Variants in CADM1 observed in about 807,000 individuals in gnomAD.
The protein encoded by CADM1 is cell adhesion molecule 1, also known as TSLC-1.
Under a neutral mutation model 53.1 loss-of-function variants are expected in CADM1, and 15 were observed. That is an observed-to-expected ratio of 0.28 (90% CI 0.19 to 0.44). The LOEUF is 0.44. Ranked by LOEUF, CADM1 falls within the 20% of genes least tolerant of loss-of-function variation. CADM1 has a pLI of 1.00. For missense variants in CADM1, 434 were observed against 611.3 expected, an observed-to-expected ratio of 0.71 and a Z score of 3.06; for synonymous variants, 281 against 243.0, an observed-to-expected ratio of 1.16 and a Z score of -1.45.
chr11:115,298,527 C>T (rs45488901), intron 1 of CADM1, among the ~76,000 whole-genome samples: 12,110 of 152,220 alleles, frequency 0.08, 688 homozygotes, highest in Non-Finnish European at 0.12. Flanking sequence ...CTCCTAGTCA[C>T]CACTTCATCT....
intron 1 of CADM1, among the ~76,000 whole-genome samples, chr11:115,422,673 CT>C (rs1306131523): frequency 6.6e-6 from 1 of 152,166 alleles, no homozygotes; most frequent in Non-Finnish European, 1.5e-5. Flanking sequence ...ACAAGTGCAA[CT>C]CTTTGGAACA....
At chr11:115,308,441 C>A (rs1322059330) in intron 1 of CADM1, among the ~76,000 whole-genome samples, 1 of 151,756 alleles carries the variant, frequency 6.6e-6, no homozygotes, top group African/African-American at 2.4e-5. Flanking sequence ...ACTGTTAATT[C>A]TTTATCTGTC....
At chr11:115,459,752 GA>G (rs1232535125) in intron 1 of CADM1, among the ~76,000 whole-genome samples, 1 of 152,118 alleles carries the variant, frequency 6.6e-6, no homozygotes, top group Non-Finnish European at 1.5e-5. Context: ...AACCATCTCA[GA>G]AATCTGAAGA....
intron 1 of CADM1, among the ~76,000 whole-genome samples, chr11:115,292,612 T>C (rs1344149482): frequency 6.6e-6 from 1 of 152,256 alleles, no homozygotes; most frequent in Non-Finnish European, 1.5e-5. Flanking sequence ...TCTACACTTG[T>C]ATGGCATGTT....
chr11:115,321,723 C>G (rs1288887160), intron 1 of CADM1, among the ~76,000 whole-genome samples: 2 of 152,158 alleles, frequency 1.3e-5, no homozygotes, highest in Non-Finnish European at 2.9e-5. Flanking sequence ...CCAAGATTTT[C>G]TGACTACATT....
At chr11:115,281,071 T>C (rs1419720097) in intron 1 of CADM1, among the ~76,000 whole-genome samples, 2 of 152,212 alleles carry the variant, frequency 1.3e-5, no homozygotes, top group African/African-American at 4.8e-5. Flanking sequence ...GAACTCCCGG[T>C]AGATTGGGAA....
At chr11:115,442,503 C>T (rs185772252) in intron 1 of CADM1, among the ~76,000 whole-genome samples, 64 of 152,174 alleles carry the variant, frequency 4.2e-4, no homozygotes, top group Admixed American at 1.2e-3. Context: ...TAGCCAAATC[C>T]GAGAGCTCTT....
chr11:115,473,077 T>C (rs17118360), intron 1 of CADM1, among the ~76,000 whole-genome samples: 3,348 of 152,280 alleles, frequency 0.022, 100 homozygotes, highest in African/African-American at 0.072. Context: ...AGTTTAAGTA[T>C]TAATGCAATC....
At chr11:115,269,942 G>T (rs1321061829) in intron 1 of CADM1, among the ~76,000 whole-genome samples, 1 of 152,180 alleles carries the variant, frequency 6.6e-6, no homozygotes, top group East Asian at 1.9e-4. Context: ...TAGGTCATTT[G>T]TCAAGCGGTT....
chr11:115,194,073 T>G (rs1940029533), intron 9 of CADM1: 1 of 152,236 alleles, frequency 6.6e-6, no homozygotes, highest in Admixed American at 6.5e-5. Flanking sequence ...AAACACAATC[T>G]TCAGGTCCTG....
chr11:115,252,278 T>C (rs576332405), intron 1 of CADM1, among the ~76,000 whole-genome samples: 3 of 152,356 alleles, frequency 2.0e-5, no homozygotes, highest in South Asian at 2.1e-4. Flanking sequence ...TATGAAAGTA[T>C]TTAAGCTCCA....
chr11:115,295,550 AAT>A (rs1555057811), intron 1 of CADM1, among the ~76,000 whole-genome samples: 1 of 53,004 alleles, frequency 1.9e-5, no homozygotes, highest in Non-Finnish European at 3.0e-5. Flanking sequence ...ATATATATAT[AAT>A]ATATATGTAT....
At chr11:115,283,266 T>C (rs1206220361) in intron 1 of CADM1, among the ~76,000 whole-genome samples, 2 of 152,152 alleles carry the variant, frequency 1.3e-5, no homozygotes, top group Non-Finnish European at 2.9e-5. Flanking sequence ...CTGGAGAGCC[T>C]GAAGTATAAT....
chr11:115,503,726 G>C lies in CADM1; in HGVS notation c.124+545C>G, dbSNP rs1187969885. Among the ~76,000 whole-genome samples, 5 of 152,284 alleles carry C rather than the reference G, an allele frequency of 3.3e-5. No individual in the cohort carries two copies. The South Asian group carries it at 8.3e-4, about 25-fold the overall frequency. On this transcript the variant is annotated intron_variant, in intron 1 of 11. Transcript: ENST00000331581. Reference sequence around the variant, plus strand: ...AAGGCAGAGCGCGTTGGGGGAAGGGGCAGGGGAGATCAGACAAGTCTGGGG... The same window carrying C: ...AAGGCAGAGCGCGTTGGGGGAAGGGCCAGGGGAGATCAGACAAGTCTGGGG...
At position 115,416,118 on chromosome 11, in the gene CADM1, T is replaced by C. The variant is rs12294499; in HGVS notation, c.124+88153A>G. Among the ~76,000 whole-genome samples, 784 of 152,362 alleles carry C rather than the reference T, an allele frequency of 5.1e-3. 7 individuals are homozygous for C. The highest frequency in any genetic ancestry group is 0.018 in the African/African-American group (752 of 41,588). On this transcript the variant is annotated intron_variant, in intron 1 of 11. Coordinates refer to ENST00000331581, the MANE Select transcript of CADM1 (RefSeq NM_001301043.2). ...ATGCAGTTTAAATACTGTAGTGGCA[T>C]AGCTCTTCCGCTGATAATGCCAAGT... is the stretch of plus-strand genomic sequence containing the variant.
intron 1 of CADM1, among the ~76,000 whole-genome samples, chr11:115,359,286 CA>C (rs1201581468): frequency 3.9e-5 from 6 of 152,088 alleles, no homozygotes; most frequent in Non-Finnish European, 8.8e-5. Flanking sequence ...TTCCCTTTAG[CA>C]GATTATTAAG....
At position 115,375,663 on chromosome 11, in the gene CADM1, AGTT is replaced by A. The variant is rs1236172306; in HGVS notation, c.124+128605_124+128607del. ...ATGGAATAAAACAATGTGTTGTTAA[AGTT>A]GTAGTCTCTAATTATATTGGAACCA... On this transcript the variant is annotated intron_variant, in intron 1 of 11. Coordinates refer to ENST00000331581, the MANE Select transcript of CADM1 (RefSeq NM_001301043.2). 4.6e-5 allele frequency among the ~76,000 whole-genome samples: 7 copies of A among 152,318 alleles called. No homozygotes were observed. The South Asian group carries it at 1.4e-3, about 32-fold the overall frequency.
At chr11:115,380,226 G>GA (rs34016866) in intron 1 of CADM1, among the ~76,000 whole-genome samples, 152,303 of 152,306 alleles carry the variant, frequency 1, 76,150 homozygotes, top group Middle Eastern at 1. Context: ...ACAATCGGGG[G>GA]AAGAAAGAAT....
chr11:115,199,599 C>G (rs1177005188), intron 8 of CADM1, among the ~76,000 whole-genome samples: 1 of 152,142 alleles, frequency 6.6e-6, no homozygotes, highest in African/African-American at 2.4e-5. Flanking sequence ...GGGTGACATT[C>G]TTTTTCCAGA....
Sources: allele counts gnomAD v4.1 joint callset (sites outside exome capture counted in the v4.1 genomes callset), GRCh38; gene constraint gnomAD v4.1.1; transcripts MANE v1.5; gene names NCBI Gene and HGNC (gene_info 2026-07-23, HGNC 2026-07-21).